The following LRP1B variants were observed in gnomAD, a reference collection of about 807,000 sequenced individuals.
LRP1B encodes low-density lipoprotein receptor-related protein 1B.
In LRP1B, 217 loss-of-function variants were observed where a neutral mutation model predicts 556.6. The ratio of observed to expected loss-of-function variants is 0.39; its 90% CI spans 0.35 to 0.44. The LOEUF is 0.44. LRP1B is among the 20% of genes least tolerant of loss of function. The probability of loss-of-function intolerance (pLI) is 1.00; values close to 1 mark genes in which losing one functional copy is unlikely to be tolerated. For missense variants in LRP1B, 5,053 were observed against 5,620.8 expected, an observed-to-expected ratio of 0.90 and a Z score of 3.23; for synonymous variants, 2,047 against 1,865.8, an observed-to-expected ratio of 1.10 and a Z score of -2.50.
At chr2:141,426,452 T>A (rs1573932940) in intron 3 of LRP1B, among the ~76,000 whole-genome samples, 2 of 152,312 alleles carry the variant, frequency 1.3e-5, no homozygotes, top group South Asian at 4.1e-4. Flanking sequence ...ATTTGAGTAT[T>A]CTGAAGTATA....
intron 6 of LRP1B, among the ~76,000 whole-genome samples, chr2:141,209,398 G>A (rs190899663): frequency 2.0e-5 from 3 of 152,136 alleles, no homozygotes; most frequent in Non-Finnish European, 4.4e-5. Flanking sequence ...TGCTGTGATT[G>A]TAAGTTTTCA....
At chr2:140,367,793 T>G (rs1200341159) in intron 71 of LRP1B, among the ~76,000 whole-genome samples, 4 of 151,724 alleles carry the variant, frequency 2.6e-5, no homozygotes, top group African/African-American at 9.7e-5. Flanking sequence ...GCATGCTCCA[T>G]TTTACAATGG....
intron 3 of LRP1B, among the ~76,000 whole-genome samples, chr2:141,423,191 C>T (rs1297477203): frequency 2.0e-5 from 3 of 151,362 alleles, no homozygotes; most frequent in South Asian, 4.2e-4. Context: ...TGGTAGTTCA[C>T]TATGCACATG....
Position 141,332,714 on chromosome 2 carries a change from C to T in LRP1B, c.344-78073G>A, listed in dbSNP as rs1687699963. Among the ~76,000 whole-genome samples the T allele has an allele frequency of 5.2e-5, 5 of 96,380 alleles. No homozygotes were observed. In the South Asian group the frequency reaches 1.1e-3, roughly 21 times the overall value. 63.2% of individuals were successfully genotyped at this position (96,380 alleles called of 152,430 possible). A position where few individuals can be genotyped will look rare whatever the true frequency, so the allele number is the denominator to read the frequency against. On this transcript the variant is annotated intron_variant, in intron 3 of 90. Transcript: ENST00000389484. ...CGGTGGCCTTTTTGTTTTTGTTTTGCCTTATTTTTTTATATATATATATAT... is the reference window on the plus strand; with the variant it reads ...CGGTGGCCTTTTTGTTTTTGTTTTGTCTTATTTTTTTATATATATATATAT...
At chr2:141,479,771 G>A (rs146755273) in intron 3 of LRP1B, among the ~76,000 whole-genome samples, 163 of 151,818 alleles carry the variant, frequency 1.1e-3, no homozygotes, top group African/African-American at 3.6e-3. Context: ...ACTCCACCCC[G>A]CACTAGAAAG....
rs568934007 is a variant in LRP1B, at chr2:141,984,625, G to A, written c.82+146023C>T. ...CCCATTCATACTATGCCTACCTGGG[G>A]TACCTTGCTATACTGATATTTTAAG... On this transcript the variant is annotated intron_variant, in intron 1 of 90. Transcript: ENST00000389484. 5.3e-5 allele frequency among the ~76,000 whole-genome samples: 8 copies of A among 152,100 alleles called. No individual in the cohort carries two copies. The South Asian group carries it at 1.7e-3, about 32-fold the overall frequency.
At position 141,006,246 on chromosome 2, in the gene LRP1B, G is replaced by A. The variant is rs370232400; in HGVS notation, c.2381-789C>T. Reference sequence around the variant, plus strand: ...TATAGTAATCAGATCAGGGTAATTGGCATATCCATAATCTCAAACATTTAT... The same window carrying A: ...TATAGTAATCAGATCAGGGTAATTGACATATCCATAATCTCAAACATTTAT... On this transcript the variant is annotated intron_variant, in intron 14 of 90. Coordinates refer to ENST00000389484, the MANE Select transcript of LRP1B (RefSeq NM_018557.3). Among the ~76,000 whole-genome samples the A allele has an allele frequency of 2.1e-4, 32 of 152,102 alleles. No individual in the cohort carries two copies. In the East Asian group the frequency reaches 5.8e-3, roughly 28 times the overall value.
At chr2:140,400,682 C>CT (rs1178311292) in intron 66 of LRP1B, among the ~76,000 whole-genome samples, 2 of 152,150 alleles carry the variant, frequency 1.3e-5, no homozygotes, top group African/African-American at 4.8e-5. Context: ...ACAGTGAGAA[C>CT]TTTTTTTCCA....
chr2:140,891,920 G>A (rs995938291), intron 23 of LRP1B, among the ~76,000 whole-genome samples: 3 of 151,860 alleles, frequency 2.0e-5, no homozygotes, highest in African/African-American at 7.3e-5. Context: ...TGTCAAGTTC[G>A]TGATTTGCTT....
At chr2:140,426,778 G>T (rs1685674214) in intron 66 of LRP1B, among the ~76,000 whole-genome samples, 1 of 152,164 alleles carries the variant, frequency 6.6e-6, no homozygotes, top group Non-Finnish European at 1.5e-5. Flanking sequence ...CTGTTTGGTG[G>T]TCTCTTCACA....
At chr2:142,079,856 T>C (rs1279196980) in intron 1 of LRP1B, among the ~76,000 whole-genome samples, 1 of 152,054 alleles carries the variant, frequency 6.6e-6, no homozygotes, top group Non-Finnish European at 1.5e-5. Flanking sequence ...TGTTTTAATT[T>C]GCATTTTACA....
chr2:141,176,811 C>A (rs1414812875), intron 7 of LRP1B, among the ~76,000 whole-genome samples: 1 of 151,948 alleles, frequency 6.6e-6, no homozygotes, highest in Non-Finnish European at 1.5e-5. Flanking sequence ...AAAAAGATGA[C>A]TCCACCCAAT....
intron 43 of LRP1B, among the ~76,000 whole-genome samples, chr2:140,557,096 C>T (rs1029150875): frequency 6.6e-6 from 1 of 152,092 alleles, no homozygotes; most frequent in African/African-American, 2.4e-5. Flanking sequence ...ATCTAGTTTT[C>T]AATCAAATTT....
At chr2:141,381,909 G>A (rs1207591410) in intron 3 of LRP1B, among the ~76,000 whole-genome samples, 2 of 151,762 alleles carry the variant, frequency 1.3e-5, no homozygotes, top group Non-Finnish European at 2.9e-5. Context: ...AAGTCTCTTT[G>A]TGGGATCCTC....
chr2:140,463,303 C>A (rs1025622305), intron 60 of LRP1B, among the ~76,000 whole-genome samples: 19 of 152,094 alleles, frequency 1.2e-4, no homozygotes, highest in Admixed American at 1.1e-3. Context: ...GTTAAAAACA[C>A]CTGGGAAAGA....
At chr2:140,473,248 T>C (rs948856676) in intron 60 of LRP1B, among the ~76,000 whole-genome samples, 2 of 152,054 alleles carry the variant, frequency 1.3e-5, no homozygotes, top group Non-Finnish European at 2.9e-5. Flanking sequence ...AGGCACTTAA[T>C]GAATTTTTCA....
intron 1 of LRP1B, among the ~76,000 whole-genome samples, chr2:141,914,233 A>G (rs945837654): frequency 6.6e-6 from 1 of 152,266 alleles, no homozygotes; most frequent in Admixed American, 6.5e-5. Context: ...AGATAAAAGG[A>G]TATAAATGTT....
chr2:140,371,908 C>A (rs1683016802), intron 69 of LRP1B, among the ~76,000 whole-genome samples: 2 of 151,836 alleles, frequency 1.3e-5, no homozygotes, highest in South Asian at 2.1e-4. Flanking sequence ...CTTTATGATG[C>A]CGAAATTAAG....
intron 2 of LRP1B, among the ~76,000 whole-genome samples, chr2:141,759,020 AAGG>A (rs1283569493): frequency 6.6e-6 from 1 of 152,148 alleles, no homozygotes; most frequent in Non-Finnish European, 1.5e-5. Flanking sequence ...ATAAAAATAA[AAGG>A]AGAAGGCTTT....
Sources: gnomAD v4.1 joint callset for allele counts (sites outside exome capture counted in the v4.1 genomes callset) on GRCh38, gnomAD v4.1.1 for gene constraint, MANE v1.5 for transcripts, NCBI Gene and HGNC (gene_info 2026-07-23, HGNC 2026-07-21) for gene names.